MYO1E: variants seen among roughly 807,000 people sequenced by gnomAD.
MYO1E encodes unconventional myosin-Ie.
Under a neutral mutation model 151.1 loss-of-function variants are expected in MYO1E, and 68 were observed. The ratio of observed to expected loss-of-function variants is 0.45; its 90% CI spans 0.37 to 0.55. MYO1E has a LOEUF of 0.55. Among genes scored for constraint, MYO1E ranks in the 20% least tolerant of loss-of-function variants. The pLI, the probability that MYO1E is intolerant of heterozygous loss-of-function variation, is 0.00. For synonymous variants in MYO1E, 601 were observed against 501.7 expected (o/e 1.20, Z -2.64); for missense variants, 1,363 against 1,389.3 (o/e 0.98, Z 0.30).
At chr15:59,239,109 G>A (rs1566989090) in intron 4 of MYO1E, among the ~76,000 whole-genome samples, 1 of 151,432 alleles carries the variant, frequency 6.6e-6, no homozygotes, top group Non-Finnish European at 1.5e-5. Flanking sequence ...AGGAGGCTGA[G>A]GCAGGAGAAT....
At chr15:59,207,042 G>A (rs1323762963) in intron 14 of MYO1E, 3 of 1,614,208 alleles carry the variant, frequency 1.9e-6, no homozygotes, top group Non-Finnish European at 2.5e-6. Flanking sequence ...GTCAAGCAAC[G>A]CGCATCCCGC....
intron 1 of MYO1E, chr15:59,348,631 TATC>T (rs2080807143): frequency 6.7e-6 from 1 of 149,716 alleles, no homozygotes; most frequent in Non-Finnish European, 1.5e-5. Flanking sequence ...TGGAGTTCAA[TATC>T]ATTTTTTTTT....
At chr15:59,226,398 G>T (rs939691082) in intron 7 of MYO1E, among the ~76,000 whole-genome samples, 2 of 152,146 alleles carry the variant, frequency 1.3e-5, no homozygotes, top group African/African-American at 4.8e-5. Context: ...GTCTTTCTTC[G>T]AAGAAAGTCT....
chr15:59,332,905 G>A (rs1045445217), intron 1 of MYO1E, among the ~76,000 whole-genome samples: 4 of 152,020 alleles, frequency 2.6e-5, no homozygotes, highest in African/African-American at 9.7e-5. Flanking sequence ...GTCAAGATTG[G>A]CTCCATGCTG....
In MYO1E at chr15:59,249,224, C is replaced by A. The variant is rs572060178; in HGVS notation, c.332+7060G>T. ...GGATCACGAGATCAAGAGATCAAGACCACCCTGGCCAACATGGTGAAACCC... is the reference window on the plus strand; with the variant it reads ...GGATCACGAGATCAAGAGATCAAGAACACCCTGGCCAACATGGTGAAACCC... On this transcript the variant is annotated intron_variant, in intron 4 of 27. Coordinates refer to ENST00000288235, the MANE Select transcript of MYO1E (RefSeq NM_004998.4). Among the ~76,000 whole-genome samples the A allele has an allele frequency of 5.9e-5, 9 of 152,182 alleles. No homozygotes were observed. The South Asian group carries it at 1.9e-3, about 32-fold the overall frequency.
intron 1 of MYO1E, among the ~76,000 whole-genome samples, chr15:59,313,694 G>C (rs2080567384): frequency 6.6e-6 from 1 of 152,116 alleles, no homozygotes; most frequent in South Asian, 2.1e-4. Flanking sequence ...ATTTGTGTTG[G>C]CTCTGTAGCC....
intron 1 of MYO1E, among the ~76,000 whole-genome samples, chr15:59,275,960 C>G (rs769894519): frequency 1.2e-4 from 18 of 152,154 alleles, no homozygotes; most frequent in Non-Finnish European, 2.4e-4. Flanking sequence ...CGCTGAATGC[C>G]AGGAGTTACA....
In MYO1E at chr15:59,159,241, C is replaced by T. The variant is rs139262212; in HGVS notation, c.2786-862G>A. On this transcript the variant is annotated intron_variant, in intron 24 of 27. Coordinates refer to ENST00000288235, the MANE Select transcript of MYO1E (RefSeq NM_004998.4). This position sits in a 1 kb window ranked among gnomAD's most constrained non-coding sequence, Gnocchi z 4.4. ...GGCAAACCCAGTGTGGCCTGCTGGA[C>T]GCTTCCCTCCCAGTACCTAGGCCAC... Among the ~76,000 whole-genome samples the T allele has an allele frequency of 6.5e-3, 992 of 152,344 alleles. 9 individuals are homozygous for T. Among genetic ancestry groups the T allele is most frequent in the African/African-American group, 0.023 (945 of 41,568 alleles).
At chr15:59,258,764 G>A (rs1193366128) in intron 3 of MYO1E, among the ~76,000 whole-genome samples, 5 of 152,168 alleles carry the variant, frequency 3.3e-5, no homozygotes, top group African/African-American at 7.2e-5. Flanking sequence ...AGCTGCGGTC[G>A]GGGGATCGCT....
intron 5 of MYO1E, among the ~76,000 whole-genome samples, chr15:59,233,313 A>T (rs2080039686): frequency 6.6e-6 from 1 of 152,190 alleles, no homozygotes; most frequent in African/African-American, 2.4e-5. Flanking sequence ...TGTTCAACAG[A>T]ATTTTGTGGC....
intron 1 of MYO1E, among the ~76,000 whole-genome samples, chr15:59,299,640 G>C (rs577016435): frequency 4.3e-4 from 66 of 152,312 alleles, no homozygotes; most frequent in African/African-American, 1.5e-3. Context: ...TGAAGAAAAA[G>C]AATATAAATG....
chr15:59,213,519 G>C (rs1015540856), intron 12 of MYO1E, among the ~76,000 whole-genome samples: 2 of 151,718 alleles, frequency 1.3e-5, no homozygotes, highest in Non-Finnish European at 2.9e-5. Context: ...AGGATGGAGT[G>C]CAGTGGTGTG....
At chr15:59,307,249 G>A (rs977051177) in intron 1 of MYO1E, among the ~76,000 whole-genome samples, 5 of 152,168 alleles carry the variant, frequency 3.3e-5, no homozygotes, top group South Asian at 2.1e-4. Flanking sequence ...GGAACTCTCC[G>A]GGCATCTCCA....
chr15:59,197,860 T>C (rs2079777363), intron 16 of MYO1E, among the ~76,000 whole-genome samples: 1 of 152,228 alleles, frequency 6.6e-6, no homozygotes, highest in Non-Finnish European at 1.5e-5. Context: ...GTCAACTTTA[T>C]TTACCTATTT....
intron 1 of MYO1E, among the ~76,000 whole-genome samples, chr15:59,336,675 C>T (rs1272063371): frequency 1.3e-5 from 2 of 151,984 alleles, no homozygotes; most frequent in African/African-American, 4.8e-5. Flanking sequence ...TAGGTATACA[C>T]GTGCCATGAT....
chr15:59,289,274 A>G (rs2140395442), intron 1 of MYO1E, among the ~76,000 whole-genome samples: 1 of 152,334 alleles, frequency 6.6e-6, no homozygotes, highest in African/African-American at 2.4e-5. Flanking sequence ...TTGGATGCTT[A>G]CCATAAAATA....
At chr15:59,303,525 T>C (rs1360814949) in intron 1 of MYO1E, among the ~76,000 whole-genome samples, 1 of 152,008 alleles carries the variant, frequency 6.6e-6, no homozygotes, top group Non-Finnish European at 1.5e-5. Context: ...TGAGACTCTG[T>C]CTAAAAATAA....
At chr15:59,143,280 G>C (rs552923041) in intron 26 of MYO1E, among the ~76,000 whole-genome samples, 5 of 152,180 alleles carry the variant, frequency 3.3e-5, no homozygotes, top group African/African-American at 9.7e-5. Context: ...GGTGAGAGGT[G>C]GGGGAGGCCA....
intron 17 of MYO1E, among the ~76,000 whole-genome samples, chr15:59,194,093 G>C (rs1372559697): frequency 1.3e-5 from 2 of 151,860 alleles, no homozygotes; most frequent in African/African-American, 4.8e-5. Flanking sequence ...AGAATCACTG[G>C]AAACCGGGAG....
Sources: allele counts gnomAD v4.1 joint callset (sites outside exome capture counted in the v4.1 genomes callset), GRCh38; gene constraint gnomAD v4.1.1; non-coding constraint Gnocchi (gnomAD v3.1); transcripts MANE v1.5; gene names NCBI Gene and HGNC (gene_info 2026-07-23, HGNC 2026-07-21).